Variants in PACRG observed in about 807,000 individuals in gnomAD.
PACRG encodes parkin coregulated.
In PACRG, 29 loss-of-function variants were observed where a neutral mutation model predicts 29.7. That is an observed-to-expected ratio of 0.98 (90% CI 0.73 to 1.33). The LOEUF (loss-of-function observed/expected upper bound fraction) is 1.33, where lower values mean the gene tolerates loss of function less well. Ranked by LOEUF, PACRG falls within the 40% of genes most tolerant of loss-of-function variation. PACRG has a pLI of 0.00. For missense variants in PACRG, 279 were observed against 316.2 expected, an observed-to-expected ratio of 0.88 and a Z score of 0.89; for synonymous variants, 116 against 118.7, an observed-to-expected ratio of 0.98 and a Z score of 0.15.
chr6:163,082,113 A>G (rs953203618), intron 3 of PACRG, among the ~76,000 whole-genome samples: 16 of 152,218 alleles, frequency 1.1e-4, no homozygotes, highest in Non-Finnish European at 4.4e-5. Flanking sequence ...TATTATCAAT[A>G]ACCTTTAGGA....
At chr6:162,935,905 C>T (rs1462358795) in intron 2 of PACRG, among the ~76,000 whole-genome samples, 1 of 152,142 alleles carries the variant, frequency 6.6e-6, no homozygotes, top group Non-Finnish European at 1.5e-5. Context: ...ATGAAACATA[C>T]TTCAACATTA....
At chr6:162,763,929 T>G (rs1346809317) in intron 1 of PACRG, among the ~76,000 whole-genome samples, 1 of 152,174 alleles carries the variant, frequency 6.6e-6, no homozygotes. Context: ...CTTCTTGAAG[T>G]GAAAATAAAC....
intron 4 of PACRG, among the ~76,000 whole-genome samples, chr6:163,114,429 A>G (rs372354462): frequency 4.6e-5 from 7 of 152,336 alleles, no homozygotes; most frequent in African/African-American, 1.7e-4. Flanking sequence ...ATATTTACAA[A>G]AAGAAATGAG....
At chr6:163,149,528 T>G (rs1777985431) in intron 4 of PACRG, among the ~76,000 whole-genome samples, 1 of 151,954 alleles carries the variant, frequency 6.6e-6, no homozygotes, top group African/African-American at 2.4e-5. Flanking sequence ...GAGCTGAAAC[T>G]TCTCCCTAAA....
At chr6:163,001,629 C>T (rs1472549900) in intron 2 of PACRG, among the ~76,000 whole-genome samples, 8 of 152,056 alleles carry the variant, frequency 5.3e-5, no homozygotes, top group Non-Finnish European at 1.2e-4. Context: ...TATCCTTTCT[C>T]ATTTATACGG....
intron 2 of PACRG, among the ~76,000 whole-genome samples, chr6:162,878,092 G>A (rs1188274436): frequency 6.6e-6 from 1 of 152,122 alleles, no homozygotes; most frequent in Non-Finnish European, 1.5e-5. Context: ...AATAATATTA[G>A]TAGATTAAAA....
chr6:163,069,817 A>C (rs1252720123), intron 3 of PACRG, among the ~76,000 whole-genome samples: 1 of 152,188 alleles, frequency 6.6e-6, no homozygotes, highest in East Asian at 1.9e-4. Context: ...AGATGGTTAT[A>C]AAACACCAAC....
intron 2 of PACRG, among the ~76,000 whole-genome samples, chr6:162,844,255 G>A (rs1430823523): frequency 3.6e-4 from 54 of 152,002 alleles, no homozygotes; most frequent in Middle Eastern, 3.2e-3. Context: ...GCGAGACTCC[G>A]TGGGCGTAGG....
chr6:162,882,832 C>A (rs76455292), intron 2 of PACRG, among the ~76,000 whole-genome samples: 2 of 152,204 alleles, frequency 1.3e-5, no homozygotes, highest in Admixed American at 1.3e-4. Context: ...TGCTCACTCG[C>A]GTCTTCCCCA....
chr6:163,024,392 C>A (rs1303016004), intron 2 of PACRG, among the ~76,000 whole-genome samples: 3 of 152,122 alleles, frequency 2.0e-5, no homozygotes. Flanking sequence ...GTAGGGTATG[C>A]AGCTTTATTT....
chr6:163,171,745 A>G (rs1055787480), intron 4 of PACRG, among the ~76,000 whole-genome samples: 1 of 152,224 alleles, frequency 6.6e-6, no homozygotes, highest in Non-Finnish European at 1.5e-5. Context: ...GAGAAGAAAC[A>G]CAGACAGACT....
chr6:162,913,873 ATCT>A (rs1052520747), intron 2 of PACRG, among the ~76,000 whole-genome samples: 1 of 152,138 alleles, frequency 6.6e-6, no homozygotes, highest in African/African-American at 2.4e-5. Context: ...GTGCTTATAT[ATCT>A]TCTTTTGTGA....
At chr6:162,763,187 GT>G (rs1031017964) in intron 1 of PACRG, among the ~76,000 whole-genome samples, 11 of 152,182 alleles carry the variant, frequency 7.2e-5, no homozygotes, top group African/African-American at 2.7e-4. Context: ...CTTTTAAGCT[GT>G]TAGAGAGAAC....
At chr6:162,811,847 G>T (rs897300554) in intron 1 of PACRG, among the ~76,000 whole-genome samples, 25 of 151,986 alleles carry the variant, frequency 1.6e-4, no homozygotes, top group African/African-American at 4.8e-4. Context: ...TTGGATTTTT[G>T]ATTTTTTCAG....
chr6:163,239,679 T>TAC (rs1211623712), intron 4 of PACRG, among the ~76,000 whole-genome samples: 3 of 14,208 alleles, frequency 2.1e-4, no homozygotes, highest in Admixed American at 7.6e-4. Context: ...CCCCCACCCC[T>TAC]ACACACACAC....
intron 2 of PACRG, among the ~76,000 whole-genome samples, chr6:162,855,384 T>C (rs986175070): frequency 2.6e-5 from 4 of 152,214 alleles, no homozygotes; most frequent in African/African-American, 7.2e-5. Context: ...CCTAATCTTA[T>C]AGACACTCTT....
At chr6:163,188,157 C>T (rs1207771856) in intron 4 of PACRG, among the ~76,000 whole-genome samples, 1 of 152,200 alleles carries the variant, frequency 6.6e-6, no homozygotes, top group Non-Finnish European at 1.5e-5. Flanking sequence ...ACACACAGGA[C>T]TGGTTTGCAT....
At chr6:163,104,018 A>G (rs1467218096) in intron 4 of PACRG, among the ~76,000 whole-genome samples, 1 of 152,224 alleles carries the variant, frequency 6.6e-6, no homozygotes, top group East Asian at 1.9e-4. Context: ...AATTCTGATC[A>G]AAAGATTTCT....
chr6:162,899,895 G>A (rs143077191), intron 2 of PACRG, among the ~76,000 whole-genome samples: 1,887 of 152,278 alleles, frequency 0.012, 39 homozygotes, highest in African/African-American at 0.042. Context: ...CCTGTTCCAG[G>A]TCTGAGCGCA....
Sources: gnomAD v4.1 joint callset for allele counts (sites outside exome capture counted in the v4.1 genomes callset) on GRCh38, gnomAD v4.1.1 for gene constraint, MANE v1.5 for transcripts, NCBI Gene and HGNC (gene_info 2026-07-23, HGNC 2026-07-21) for gene names.